The following ECPAS variants were observed in gnomAD, a reference collection of about 807,000 sequenced individuals.
ECPAS encodes the protein Ecm29 proteasome adaptor and scaffold.
A neutral mutation model predicts 255.1 loss-of-function variants in ECPAS; 70 were observed. The ratio of observed to expected loss-of-function variants is 0.27; its 90% CI spans 0.23 to 0.33. The LOEUF (loss-of-function observed/expected upper bound fraction) is 0.33. ECPAS is among the 10% of genes least tolerant of loss of function. ECPAS has a pLI of 1.00. For synonymous variants in ECPAS, 784 were observed against 775.0 expected (o/e 1.01, Z -0.19); for missense variants, 1,817 against 2,206.4 (o/e 0.82, Z 3.54).
intron 3 of ECPAS, among the ~76,000 whole-genome samples, chr9:111,447,121 T>C (rs1346492589): frequency 6.6e-6 from 1 of 152,050 alleles, no homozygotes; most frequent in East Asian, 1.9e-4. Context: ...ATAATAAATT[T>C]ATTTTGATTT....
intron 31 of ECPAS, among the ~76,000 whole-genome samples, chr9:111,388,686 T>C (rs2098154453): frequency 6.6e-6 from 1 of 152,054 alleles, no homozygotes; most frequent in Non-Finnish European, 1.5e-5. Context: ...AAGATGATGA[T>C]GACCTATTCA....
chr9:111,422,880 T>C (rs1386096776), intron 13 of ECPAS, among the ~76,000 whole-genome samples: 1 of 152,180 alleles, frequency 6.6e-6, no homozygotes, highest in African/African-American at 2.4e-5. Flanking sequence ...TTATAAAGAT[T>C]AGTGCCAAGT....
chr9:111,467,474 G>A (rs538162582), intron 2 of ECPAS, among the ~76,000 whole-genome samples: 1 of 152,096 alleles, frequency 6.6e-6, no homozygotes, highest in Non-Finnish European at 1.5e-5. Context: ...AATTACTTGC[G>A]TGAATTTCTG....
At chr9:111,413,732 T>C (rs541667619) in intron 20 of ECPAS, among the ~76,000 whole-genome samples, 163 bp downstream of exon 20, 7 of 152,064 alleles carry the variant, frequency 4.6e-5, no homozygotes, top group East Asian at 1.9e-4. Flanking sequence ...CAATGAGACA[T>C]AGTGACCTAC....
At chr9:111,399,870 A>G (rs2098173092) in intron 24 of ECPAS, among the ~76,000 whole-genome samples, 1 of 152,264 alleles carries the variant, frequency 6.6e-6, no homozygotes, top group Non-Finnish European at 1.5e-5. Flanking sequence ...CCTGCTGACT[A>G]AAGCAGCCTC....
intron 35 of ECPAS, among the ~76,000 whole-genome samples, chr9:111,380,693 G>C (rs1016833971): frequency 6.6e-6 from 1 of 152,210 alleles, no homozygotes; most frequent in Non-Finnish European, 1.5e-5. Context: ...ATCTGTTGTT[G>C]AGTGTAGACA....
At chr9:111,438,845 T>G (rs1247427345) in intron 6 of ECPAS, among the ~76,000 whole-genome samples, 1 of 152,228 alleles carries the variant, frequency 6.6e-6, no homozygotes, top group Non-Finnish European at 1.5e-5. Flanking sequence ...AGAACAAATT[T>G]GTTCATCACA....
intron 2 of ECPAS, among the ~76,000 whole-genome samples, chr9:111,458,804 A>C (rs1016049586): frequency 6.6e-6 from 1 of 152,204 alleles, no homozygotes; most frequent in African/African-American, 2.4e-5. Flanking sequence ...CTATACTGGG[A>C]AAGTACCCTG....
At chr9:111,449,495 A>G (rs943987394) in intron 3 of ECPAS, among the ~76,000 whole-genome samples, 1 of 152,168 alleles carries the variant, frequency 6.6e-6, no homozygotes, top group Non-Finnish European at 1.5e-5. Flanking sequence ...ATACATAATA[A>G]AATTTATTTT....
intron 2 of ECPAS, among the ~76,000 whole-genome samples, chr9:111,460,535 T>C (rs761725204): frequency 1.6e-4 from 25 of 152,134 alleles, no homozygotes; most frequent in African/African-American, 4.3e-4. Flanking sequence ...AAGGAAGAAA[T>C]AATATTTTCA....
chr9:111,426,161 A>G (rs887628214), intron 10 of ECPAS, among the ~76,000 whole-genome samples: 6 of 152,196 alleles, frequency 3.9e-5, no homozygotes, highest in African/African-American at 1.4e-4. Context: ...ATTCTAATAA[A>G]AGCTTCAGAG....
Position 111,378,599 on chromosome 9 carries a change from C to A in ECPAS, c.3935G>T (p.Arg1312Leu), listed in dbSNP as rs570259199. The A allele has an allele frequency of 6.2e-7, 1 of 1,613,358 alleles. No homozygotes were observed. The highest frequency in any genetic ancestry group is 1.1e-5 in the South Asian group (1 of 91,002). ...EPQVLNYLSL[R>L]ATEQEKAAMD... ...ACTCACCTTTTCTTGCTCTGTCGCC[C>A]GGAGGCTCAAATAATTGAGAACTTG... The change falls in exon 36 of 50, where the codon CGG (arginine) becomes CTG (leucine). Residue 1312 changes from arginine (R) to leucine (L), a missense_variant. Physicochemically the swap from Arg to Leu is moderately radical, Grantham distance 102 (BLOSUM62 -2). This residue lies in a region of ECPAS where 960 missense variants were observed against 1,179.0 expected (regional missense o/e 0.81). Coordinates refer to ENST00000684092, the MANE Select transcript of ECPAS (RefSeq NM_001364929.1).
intron 26 of ECPAS, 131 bp downstream of exon 26, chr9:111,394,029 C>A: frequency 1.1e-6 from 1 of 921,490 alleles, no homozygotes; most frequent in Non-Finnish European, 1.6e-6. Context: ...GGCCACCATC[C>A]TTCATTCCTT....
At chr9:111,428,773 A>C (rs1429548436) in intron 9 of ECPAS, among the ~76,000 whole-genome samples, 1 of 152,120 alleles carries the variant, frequency 6.6e-6, no homozygotes, top group Non-Finnish European at 1.5e-5. Flanking sequence ...GGTTAGTTGC[A>C]ATTTGGAGTT....
At chr9:111,471,377 T>C (rs2098287892) in intron 2 of ECPAS, among the ~76,000 whole-genome samples, 1 of 152,192 alleles carries the variant, frequency 6.6e-6, no homozygotes, top group African/African-American at 2.4e-5. Flanking sequence ...AAATTTATTT[T>C]AAAGTTGAAT....
intron 48 of ECPAS, 167 bp downstream of exon 48, chr9:111,366,072 A>C (rs1050862015): frequency 1.8e-5 from 10 of 550,140 alleles, no homozygotes; most frequent in Non-Finnish European, 2.9e-5. Context: ...TTATAGTTCC[A>C]GATTTAAATA....
intron 9 of ECPAS, among the ~76,000 whole-genome samples, chr9:111,429,819 C>G (rs1243948165): frequency 6.6e-6 from 1 of 152,202 alleles, no homozygotes; most frequent in African/African-American, 2.4e-5. Flanking sequence ...GCCTAGGCAA[C>G]ATAGCTAAAC....
intron 48 of ECPAS, 117 bp downstream of exon 48, chr9:111,366,122 G>A (rs1179735282): frequency 1.4e-5 from 9 of 652,710 alleles, no homozygotes; most frequent in Non-Finnish European, 1.9e-5. Flanking sequence ...ATAAGTAGCA[G>A]AGTCCAGTAG....
chr9:111,382,937 C>T (rs1051425022), intron 35 of ECPAS, among the ~76,000 whole-genome samples: 3 of 152,118 alleles, frequency 2.0e-5, no homozygotes, highest in Admixed American at 6.5e-5. Flanking sequence ...CAAACATGCT[C>T]CTGAGGACCT....
Sources: allele counts gnomAD v4.1 joint callset (sites outside exome capture counted in the v4.1 genomes callset), GRCh38; gene constraint gnomAD v4.1.1; regional missense constraint gnomAD v4.1.1; transcripts MANE v1.5; gene names NCBI Gene and HGNC (gene_info 2026-07-23, HGNC 2026-07-21).